Variants in CYTH3 observed in about 807,000 individuals in gnomAD.
CYTH3 encodes cytohesin 3.
In CYTH3, 23 loss-of-function variants were observed where a neutral mutation model predicts 55.1. The ratio of observed to expected loss-of-function variants is 0.42; its 90% confidence interval spans 0.30 to 0.59. The LOEUF is 0.59. CYTH3 is among the 20% of genes least tolerant of loss of function. The pLI, the probability that CYTH3 is intolerant of heterozygous loss-of-function variation, is 0.20. For missense variants in CYTH3, 413 were observed against 524.8 expected, an observed-to-expected ratio of 0.79 and a Z score of 2.08; for synonymous variants, 249 against 194.9, an observed-to-expected ratio of 1.28 and a Z score of -2.31.
chr7:6,181,471 A>G (rs1358979256), intron 4 of CYTH3, among the ~76,000 whole-genome samples: 1 of 152,178 alleles, frequency 6.6e-6, no homozygotes. Context: ...TTGATCCAGC[A>G]TCCCTGACAA....
At chr7:6,256,286 T>C (rs1463333650) in intron 1 of CYTH3, among the ~76,000 whole-genome samples, 12 of 152,208 alleles carry the variant, frequency 7.9e-5, no homozygotes, top group Admixed American at 7.9e-4. Flanking sequence ...TGGCCACTGG[T>C]TCAGGCAGGG....
intron 2 of CYTH3, among the ~76,000 whole-genome samples, chr7:6,188,016 A>G (rs1431119242): frequency 6.7e-6 from 1 of 150,164 alleles, no homozygotes; most frequent in African/African-American, 2.5e-5. Context: ...CTGGGGGGGG[A>G]ATATCACAGC....
intron 1 of CYTH3, among the ~76,000 whole-genome samples, chr7:6,203,548 G>C (rs1784109925): frequency 6.6e-6 from 1 of 152,178 alleles, no homozygotes; most frequent in South Asian, 2.1e-4. Context: ...AAATCCGGGA[G>C]ACAATATAGG....
intron 1 of CYTH3, among the ~76,000 whole-genome samples, chr7:6,270,764 A>G (rs1780629442): frequency 6.6e-6 from 1 of 152,176 alleles, no homozygotes; most frequent in Non-Finnish European, 1.5e-5. Context: ...CCCAGAAGAG[A>G]TACTAACAAC....
Position 6,174,539 on chromosome 7 carries a change from GTTTTTT to G in CYTH3, c.369-812_369-807del, listed in dbSNP as rs760279977. Reference sequence around the variant, plus strand: ...GGTGTGAAATGGTATCTCCTTGTGGGTTTTTTTTTTTTTTTTTTTTTTTTTCCAGAC... The same window carrying G: ...GGTGTGAAATGGTATCTCCTTGTGGGTTTTTTTTTTTTTTTTTTTCCAGAC... On this transcript the variant is annotated intron_variant, in intron 5 of 12. Coordinates refer to ENST00000350796, the MANE Select transcript of CYTH3 (RefSeq NM_004227.4). 1.2e-3 allele frequency among the ~76,000 whole-genome samples: 105 copies of G among 89,802 alleles called. No homozygotes were observed. In the East Asian group the frequency reaches 0.014, roughly 12 times the overall value. The allele number at this position is 89,802 out of a possible 152,430, so 58.9% of individuals were successfully genotyped here. A position where few individuals can be genotyped will look rare whatever the true frequency, so the allele number is the denominator to read the frequency against.
At chr7:6,245,852 C>A (rs963147809) in intron 1 of CYTH3, among the ~76,000 whole-genome samples, 2 of 152,126 alleles carry the variant, frequency 1.3e-5, no homozygotes, top group African/African-American at 4.8e-5. Flanking sequence ...TGCAATGAGC[C>A]GAGATCGTGC....
At chr7:6,241,027 C>T (rs1010571538) in intron 1 of CYTH3, among the ~76,000 whole-genome samples, 1 of 151,696 alleles carries the variant, frequency 6.6e-6, no homozygotes, top group Non-Finnish European at 1.5e-5. Context: ...GAGGCTGAGG[C>T]TGGAGAATCG....
intron 1 of CYTH3, among the ~76,000 whole-genome samples, chr7:6,255,365 GA>G (rs1780071214): frequency 6.6e-6 from 1 of 152,142 alleles, no homozygotes; most frequent in Non-Finnish European, 1.5e-5. Flanking sequence ...GGAATTACCC[GA>G]AATATCCTCA....
In CYTH3 at chr7:6,234,730, G is replaced by A. The variant is rs145173421; in HGVS notation, c.34+37744C>T. On this transcript the variant is annotated intron_variant, in intron 1 of 12. Coordinates refer to ENST00000350796, the MANE Select transcript of CYTH3 (RefSeq NM_004227.4). ...TAGGGCCCTCCAGCTCTCCCACCGC[G>A]TGGCAGGGCTAACCCCTTTGAACAA... 5.9e-4 allele frequency among the ~76,000 whole-genome samples: 90 copies of A among 152,284 alleles called. 1 individual carries two copies. In the East Asian group the frequency reaches 0.013, roughly 22 times the overall value.
At chr7:6,272,409 C>CGGGGGGGGGGGGCG in intron 1 of CYTH3, 65 bp downstream of exon 1, 1 of 1,212,388 alleles carries the variant, frequency 8.2e-7, no homozygotes, top group Non-Finnish European at 1.1e-6. Flanking sequence ...GCCGCGCCCT[C>CGGGGGGGGGGGGCG]GACCCCCAGC....
intron 1 of CYTH3, among the ~76,000 whole-genome samples, chr7:6,212,010 A>G (rs544467561): frequency 6.6e-5 from 10 of 152,240 alleles, no homozygotes; most frequent in Admixed American, 4.6e-4. Flanking sequence ...AAATAAATAA[A>G]AAATACTAGG....
chr7:6,257,126 C>T (rs548579967), intron 1 of CYTH3, among the ~76,000 whole-genome samples: 3 of 152,022 alleles, frequency 2.0e-5, no homozygotes, highest in African/African-American at 7.2e-5. Flanking sequence ...TTACATAAGG[C>T]AATGAAAGGC....
At chr7:6,249,915 G>A (rs753642011) in intron 1 of CYTH3, among the ~76,000 whole-genome samples, 11 of 152,122 alleles carry the variant, frequency 7.2e-5, no homozygotes, top group East Asian at 5.8e-4. Context: ...CATACAATAC[G>A]TTATCTCTAA....
At chr7:6,234,681 TGC>T (rs1389418535) in intron 1 of CYTH3, among the ~76,000 whole-genome samples, 3 of 152,014 alleles carry the variant, frequency 2.0e-5, no homozygotes, top group Non-Finnish European at 1.5e-5. Flanking sequence ...GGTGCACGAG[TGC>T]AAACTGGGAG....
intron 1 of CYTH3, among the ~76,000 whole-genome samples, chr7:6,258,056 T>C (rs35257722): frequency 0.05 from 7,620 of 152,284 alleles, 286 homozygotes; most frequent in Non-Finnish European, 0.076. Context: ...GGAGGATCAC[T>C]TGAGGCCAGG....
chr7:6,177,503 A>G (rs560411259), intron 5 of CYTH3, among the ~76,000 whole-genome samples: 1 of 152,266 alleles, frequency 6.6e-6, no homozygotes, highest in Non-Finnish European at 1.5e-5. Context: ...TGGGCAAAAC[A>G]GAAGACGATT....
intron 1 of CYTH3, among the ~76,000 whole-genome samples, chr7:6,241,924 CATAA>C (rs1779682965): frequency 6.6e-6 from 1 of 152,192 alleles, no homozygotes; most frequent in East Asian, 1.9e-4. Context: ...ATTATAATTG[CATAA>C]ATAAACATTA....
chr7:6,188,401 C>T lies in CYTH3; in HGVS notation c.118-680G>A, dbSNP rs377040294. Among the ~76,000 whole-genome samples, 18 of 151,832 alleles carry T rather than the reference C, an allele frequency of 1.2e-4. 1 individual carries two copies. The highest frequency in any genetic ancestry group is 4.2e-4 in the South Asian group (2 of 4,808). On this transcript the variant is annotated intron_variant, in intron 2 of 12. Coordinates refer to ENST00000350796, the MANE Select transcript of CYTH3 (RefSeq NM_004227.4). ...AAAGGAAAGCCATGAGTCCTCAGTT[C>T]GCTTAACTGCACTATTCAGCCCTGC...
At position 6,167,845 on chromosome 7, in the gene CYTH3, G is replaced by A. The variant is rs777890592; in HGVS notation, c.824-2035C>T. Among the ~76,000 whole-genome samples the A allele has an allele frequency of 3.2e-4, 49 of 152,328 alleles. No individual in the cohort carries two copies. Among genetic ancestry groups the A allele is most frequent in the Non-Finnish European group, 6.8e-4 (46 of 68,022 alleles). On this transcript the variant is annotated intron_variant, in intron 9 of 12. Transcript: ENST00000350796. The surrounding 1 kb of genome is among the most constrained non-coding windows in gnomAD (Gnocchi z 5.5). The stretch of plus-strand genomic sequence containing the variant: ...TCCACTAGCCCACACACCTGGCCCC[G>A]CCTGGGAGGGGTCTGCCAGGTGGCC...
Sources: gnomAD v4.1 joint callset for allele counts (sites outside exome capture counted in the v4.1 genomes callset) on GRCh38, gnomAD v4.1.1 for gene constraint, Gnocchi (gnomAD v3.1) non-coding constraint, MANE v1.5 for transcripts, NCBI Gene and HGNC (gene_info 2026-07-23, HGNC 2026-07-21) for gene names.